Variants in CTNND2 observed in about 807,000 individuals in gnomAD.
CTNND2 encodes the protein catenin delta 2, also known as catenin delta-2.
In CTNND2, 22 loss-of-function variants were observed where a neutral mutation model predicts 144.4. The ratio of observed to expected loss-of-function variants is 0.15; its 90% CI spans 0.11 to 0.22. The LOEUF is 0.22. CTNND2 is among the 10% of genes least tolerant of loss of function. The pLI, the probability that CTNND2 is intolerant of heterozygous loss-of-function variation, is 1.00. For missense variants in CTNND2, 1,353 were observed against 1,618.8 expected, an observed-to-expected ratio of 0.84 and a Z score of 2.82; for synonymous variants, 751 against 695.6, an observed-to-expected ratio of 1.08 and a Z score of -1.25.
intron 2 of CTNND2, among the ~76,000 whole-genome samples, chr5:11,626,371 T>C (rs1781154155): frequency 6.6e-6 from 1 of 152,344 alleles, no homozygotes; most frequent in African/African-American, 2.4e-5. Context: ...CTATACTATA[T>C]GTGATATTTA....
chr5:11,264,965 C>T (rs1745293334), intron 9 of CTNND2, among the ~76,000 whole-genome samples: 1 of 151,946 alleles, frequency 6.6e-6, no homozygotes, highest in Non-Finnish European at 1.5e-5. Context: ...CAAGCTTTTC[C>T]AATACCTATA....
chr5:11,009,314 C>T (rs540502041), intron 18 of CTNND2, among the ~76,000 whole-genome samples: 2 of 152,322 alleles, frequency 1.3e-5, no homozygotes, highest in East Asian at 1.9e-4. Flanking sequence ...TCAGGTTCTG[C>T]TCTCCTCTCC....
At chr5:11,728,362 A>T (rs138461470) in intron 2 of CTNND2, among the ~76,000 whole-genome samples, 2,296 of 151,718 alleles carry the variant, frequency 0.015, 64 homozygotes, top group African/African-American at 0.052. Context: ...CCAGCTATTC[A>T]GGAGGCTGGG....
At chr5:11,578,848 G>T (rs988519897) in intron 2 of CTNND2, among the ~76,000 whole-genome samples, 1 of 152,116 alleles carries the variant, frequency 6.6e-6, no homozygotes, top group African/African-American at 2.4e-5. Context: ...TCTTGATAAG[G>T]TATGTAATAT....
intron 1 of CTNND2, among the ~76,000 whole-genome samples, chr5:11,761,337 C>T (rs1291466226): frequency 6.6e-6 from 1 of 152,108 alleles, no homozygotes; most frequent in South Asian, 2.1e-4. Context: ...TTTCTGTGTA[C>T]CACACATATA....
At position 11,346,949 on chromosome 5, in the gene CTNND2, C is replaced by G. The variant is rs556759683; in HGVS notation, c.1373-322G>C. Among the ~76,000 whole-genome samples the G allele has an allele frequency of 2.2e-3, 187 of 83,966 alleles. No homozygotes were observed. The highest frequency in any genetic ancestry group is 1.4e-3 in the East Asian group (5 of 3,460). The allele number at this position is 83,966 out of a possible 152,430, so 55.1% of individuals were successfully genotyped here. A position where few individuals can be genotyped will look rare whatever the true frequency, so the allele number is the denominator to read the frequency against. ...TAAGAAGAAATATAGAGAATACTTT[C>G]TAAGGAGGCATGGGAAGTTAATTCT... On this transcript the variant is annotated intron_variant, in intron 8 of 21. Coordinates refer to ENST00000304623, the MANE Select transcript of CTNND2 (RefSeq NM_001332.4).
At chr5:11,096,679 C>CTT (rs1352391801) in intron 15 of CTNND2, among the ~76,000 whole-genome samples, 1 of 152,048 alleles carries the variant, frequency 6.6e-6, no homozygotes, top group Non-Finnish European at 1.5e-5. Flanking sequence ...TATTTCTCCA[C>CTT]TTTTAAGTTG....
intron 8 of CTNND2, 21 bp from the exon 9 acceptor site, chr5:11,346,648 C>T: frequency 7.0e-7 from 1 of 1,432,716 alleles, no homozygotes; most frequent in South Asian, 1.6e-5. Flanking sequence ...AAAGTAGGGA[C>T]AAAGTAAAAA....
intron 9 of CTNND2, among the ~76,000 whole-genome samples, chr5:11,303,410 T>C (rs1472856721): frequency 1.3e-5 from 2 of 152,238 alleles, no homozygotes; most frequent in Admixed American, 1.3e-4. Flanking sequence ...ACTTTCTCTA[T>C]GGCCCTGGGT....
At chr5:11,835,000 A>T (rs567548726) in intron 1 of CTNND2, among the ~76,000 whole-genome samples, 1 of 152,198 alleles carries the variant, frequency 6.6e-6, no homozygotes, top group South Asian at 2.1e-4. Context: ...TCAGCCAGGC[A>T]TGCTGGCACG....
chr5:11,862,965 T>C (rs1466605533), intron 1 of CTNND2, among the ~76,000 whole-genome samples: 2 of 152,206 alleles, frequency 1.3e-5, no homozygotes, highest in East Asian at 3.9e-4. Flanking sequence ...ATATAAAGAC[T>C]AGTTAGACTT....
chr5:11,512,774 G>A (rs1156648149), intron 3 of CTNND2, among the ~76,000 whole-genome samples: 1 of 152,156 alleles, frequency 6.6e-6, no homozygotes, highest in Admixed American at 6.5e-5. Flanking sequence ...ATTTCTTCTG[G>A]CAACATCTTC....
rs185485297 is a variant in CTNND2 at position 11,395,755 on chromosome 5, A to T, written c.612+1276T>A. Reference sequence around the variant, plus strand: ...TGCTTGAAGAAGGTAATGACATTTTAAAAATTGTTTCTGGCACAGTAATTT... The same window carrying T: ...TGCTTGAAGAAGGTAATGACATTTTTAAAATTGTTTCTGGCACAGTAATTT... On this transcript the variant is annotated intron_variant, in intron 6 of 21. Transcript: ENST00000304623. 5.9e-5 allele frequency among the ~76,000 whole-genome samples: 9 copies of T among 152,374 alleles called. No individual in the cohort carries two copies. The East Asian group carries it at 1.7e-3, about 29-fold the overall frequency.
chr5:11,076,219 T>G (rs960869660), intron 16 of CTNND2, among the ~76,000 whole-genome samples: 1 of 152,188 alleles, frequency 6.6e-6, no homozygotes, highest in Non-Finnish European at 1.5e-5. Context: ...CAGCTCTGGG[T>G]GCAGGGAGTA....
chr5:11,232,796 G>T (rs1266360771), intron 10 of CTNND2, among the ~76,000 whole-genome samples: 1 of 152,152 alleles, frequency 6.6e-6, no homozygotes, highest in African/African-American at 2.4e-5. Context: ...GACCAGGCAT[G>T]GAATGATATC....
intron 1 of CTNND2, among the ~76,000 whole-genome samples, chr5:11,881,888 C>T (rs1375525614): frequency 6.6e-6 from 1 of 151,876 alleles, no homozygotes; most frequent in Admixed American, 6.6e-5. Flanking sequence ...ACATTCTTGC[C>T]AGCATTTGTT....
intron 3 of CTNND2, among the ~76,000 whole-genome samples, chr5:11,529,761 G>A (rs1773571128): frequency 6.6e-6 from 1 of 152,048 alleles, no homozygotes; most frequent in South Asian, 2.1e-4. Context: ...AAAAAGGGCT[G>A]TAAAGAGATT....
chr5:11,082,517 C>T (rs1386552356), intron 16 of CTNND2, among the ~76,000 whole-genome samples, 179 bp downstream of exon 16: 1 of 152,174 alleles, frequency 6.6e-6, no homozygotes, highest in African/African-American at 2.4e-5. Context: ...CCTCTAAATT[C>T]TAAAAGATGA....
chr5:11,844,912 A>G (rs558391820), intron 1 of CTNND2, among the ~76,000 whole-genome samples: 120 of 152,210 alleles, frequency 7.9e-4, no homozygotes, highest in African/African-American at 2.8e-3. Flanking sequence ...GAAGGTGAAG[A>G]TCAGGGAGTT....
Sources: gnomAD v4.1 joint callset for allele counts (sites outside exome capture counted in the v4.1 genomes callset) on GRCh38, gnomAD v4.1.1 for gene constraint, MANE v1.5 for transcripts, NCBI Gene and HGNC (gene_info 2026-07-23, HGNC 2026-07-21) for gene names.